Variants in RGS6 observed in about 807,000 individuals in gnomAD.
RGS6 encodes the protein regulator of G-protein signaling 6.
Under a neutral mutation model 78.5 loss-of-function variants are expected in RGS6, and 30 were observed. That is an observed-to-expected ratio of 0.38 (90% CI 0.29 to 0.52). RGS6 has a LOEUF of 0.52. RGS6 is among the 20% of genes least tolerant of loss of function. The pLI is 0.85. For synonymous variants in RGS6, 206 were observed against 206.0 expected, an observed-to-expected ratio of 1.00 and a Z score of 0.00; for missense variants, 495 against 609.7, an observed-to-expected ratio of 0.81 and a Z score of 1.98.
At chr14:72,513,036 G>T (rs80021147) in intron 14 of RGS6, among the ~76,000 whole-genome samples, 1 of 152,212 alleles carries the variant, frequency 6.6e-6, no homozygotes, top group Non-Finnish European at 1.5e-5. Flanking sequence ...TCCCTTCTCC[G>T]CAGGATTGGT....
At chr14:72,444,552 C>G (rs1452313057) in intron 3 of RGS6, among the ~76,000 whole-genome samples, 1 of 152,194 alleles carries the variant, frequency 6.6e-6, no homozygotes, top group Non-Finnish European at 1.5e-5. Context: ...ATGAGCCCAT[C>G]CTTTCTCGGT....
At chr14:72,033,579 A>G (rs1050576450) in intron 2 of RGS6, among the ~76,000 whole-genome samples, 1 of 152,124 alleles carries the variant, frequency 6.6e-6, no homozygotes, top group Admixed American at 6.6e-5. Context: ...CTGACTGGAA[A>G]TGGTGGCTCT....
At chr14:71,939,930 C>T (rs183865141) in intron 1 of RGS6, among the ~76,000 whole-genome samples, 1 of 152,236 alleles carries the variant, frequency 6.6e-6, no homozygotes, top group East Asian at 1.9e-4. Context: ...TTGGGCTTTC[C>T]CCCCATAATA....
chr14:71,947,898 G>A (rs1400866061), intron 1 of RGS6, among the ~76,000 whole-genome samples: 1 of 152,210 alleles, frequency 6.6e-6, no homozygotes, highest in East Asian at 1.9e-4. Flanking sequence ...GTTGAGGCCA[G>A]TGTGCGAAGG....
chr14:72,451,281 C>A (rs1386606401), intron 3 of RGS6, among the ~76,000 whole-genome samples: 2 of 152,182 alleles, frequency 1.3e-5, no homozygotes, highest in African/African-American at 4.8e-5. Context: ...AAAAGAAACT[C>A]CACTCTGTGG....
At chr14:72,590,703 C>A in the RGS6 span, among the ~76,000 whole-genome samples, 1 of 152,202 alleles carries the variant, frequency 6.6e-6, no homozygotes. Context: ...GGAATTATAA[C>A]CATTTGCGAG....
rs149538419 is a variant in RGS6 at position 72,284,872 on chromosome 14, T to C, written c.85-67223T>C. Among the ~76,000 whole-genome samples, 695 of 152,330 alleles carry C rather than the reference T, an allele frequency of 4.6e-3. 6 individuals are homozygous for C. Among genetic ancestry groups the C allele is most frequent in the African/African-American group, 0.016 (672 of 41,586 alleles). On this transcript the variant is annotated intron_variant, in intron 2 of 17. Transcript: ENST00000553525. ...GGGGCTGCCCATAGGAACCCACCTCTTGCATCGGCGTGACCTGAATGTGAG... is the reference window on the plus strand; with the variant it reads ...GGGGCTGCCCATAGGAACCCACCTCCTGCATCGGCGTGACCTGAATGTGAG...
At chr14:72,052,971 TTCTTTCTTTCTTTC>T (rs1332388533) in intron 2 of RGS6, among the ~76,000 whole-genome samples, 12 of 50,540 alleles carry the variant, frequency 2.4e-4, no homozygotes, top group Middle Eastern at 0.01. Context: ...CTTTCTTTCT[TTCTTTCTTTCTTTC>T]TCTCTCTCTC....
chr14:71,951,770 C>T (rs573796216), intron 1 of RGS6, among the ~76,000 whole-genome samples: 8 of 152,164 alleles, frequency 5.3e-5, no homozygotes, highest in Non-Finnish European at 7.4e-5. Flanking sequence ...CTGTCTCTCA[C>T]GTCTGTCAGC....
chr14:71,994,531 C>G (rs745764509), intron 2 of RGS6, among the ~76,000 whole-genome samples: 7 of 151,950 alleles, frequency 4.6e-5, no homozygotes, highest in African/African-American at 1.2e-4. Flanking sequence ...AATTGTGTCC[C>G]CCTCCACCCA....
chr14:72,078,779 G>A (rs896117326), intron 2 of RGS6, among the ~76,000 whole-genome samples: 2 of 151,980 alleles, frequency 1.3e-5, no homozygotes, highest in African/African-American at 2.4e-5. Context: ...TTACACTTAG[G>A]ATCCTCTTCA....
intron 6 of RGS6, among the ~76,000 whole-genome samples, chr14:72,463,057 A>G (rs889087091): frequency 1.3e-5 from 2 of 152,222 alleles, no homozygotes; most frequent in African/African-American, 4.8e-5. Flanking sequence ...CATATAATAC[A>G]TGAATGTGTT....
At chr14:72,541,714 G>A (rs2153513206) in intron 17 of RGS6, 4 of 1,374,812 alleles carry the variant, frequency 2.9e-6, no homozygotes, top group South Asian at 2.7e-5. Context: ...CAAGCCAAGG[G>A]TGCCTGTGTA....
At chr14:72,355,404 A>C (rs978781684) in intron 3 of RGS6, among the ~76,000 whole-genome samples, 4 of 152,186 alleles carry the variant, frequency 2.6e-5, no homozygotes, top group African/African-American at 9.7e-5. Flanking sequence ...CATGTTGCCC[A>C]GGCTGGTCTC....
chr14:72,619,310 C>A, the RGS6 span: 2 of 1,536,084 alleles, frequency 1.3e-6, no homozygotes, highest in Non-Finnish European at 1.7e-6. Flanking sequence ...GGCCTGGCAG[C>A]CAAAGGCTGA....
chr14:72,354,008 A>T (rs914769008), intron 3 of RGS6, among the ~76,000 whole-genome samples: 1 of 150,638 alleles, frequency 6.6e-6, no homozygotes, highest in Non-Finnish European at 1.5e-5. Context: ...CAACAACAGA[A>T]TTCATGGAAC....
At chr14:72,059,707 G>T (rs927680697) in intron 2 of RGS6, among the ~76,000 whole-genome samples, 2 of 152,162 alleles carry the variant, frequency 1.3e-5, no homozygotes, top group African/African-American at 4.8e-5. Flanking sequence ...GGTAAGGTTA[G>T]ATTAGCTCAT....
intron 2 of RGS6, among the ~76,000 whole-genome samples, chr14:72,193,326 G>C (rs1599205294): frequency 2.0e-5 from 3 of 152,260 alleles, no homozygotes; most frequent in South Asian, 4.1e-4. Flanking sequence ...AAACCCACTG[G>C]GGTGAAAGGA....
chr14:72,216,684 C>T (rs933515319), intron 2 of RGS6, among the ~76,000 whole-genome samples: 2 of 152,112 alleles, frequency 1.3e-5, no homozygotes, highest in Non-Finnish European at 2.9e-5. Context: ...ACAGTTCTGG[C>T]GAAATAATGA....
Sources: allele counts gnomAD v4.1 joint callset (sites outside exome capture counted in the v4.1 genomes callset), GRCh38; gene constraint gnomAD v4.1.1; transcripts MANE v1.5; gene names NCBI Gene and HGNC (gene_info 2026-07-23, HGNC 2026-07-21).